SLC27A1: variants seen among roughly 807,000 people sequenced by gnomAD.
SLC27A1 encodes the protein long-chain fatty acid transport protein 1.
Under a neutral mutation model 62.2 loss-of-function variants are expected in SLC27A1, and 61 were observed. The observed-to-expected ratio is 0.98, with a 90% CI of 0.80 to 1.21. The LOEUF is 1.21. Ranked by LOEUF, SLC27A1 falls within the 50% of genes most tolerant of loss-of-function variation. SLC27A1 has a pLI of 0.00. For missense variants in SLC27A1, 903 were observed against 932.1 expected (o/e 0.97, Z 0.41); for synonymous variants, 435 against 408.6 (o/e 1.06, Z -0.78).
chr19:17,500,900 G>C, intron 10 of SLC27A1, 24 bp downstream of exon 10: 1 of 1,589,814 alleles, frequency 6.3e-7, no homozygotes, highest in South Asian at 1.1e-5. Context: ...GCAGGGGGTG[G>C]TCCTGAGGCA....
At chr19:17,489,257 C>G in intron 6 of SLC27A1, 140 bp downstream of exon 6, 1 of 681,126 alleles carries the variant, frequency 1.5e-6, no homozygotes, top group East Asian at 2.7e-5. Context: ...GTCCCGTCCT[C>G]TCCCAGCCAG....
In SLC27A1 at chr19:17,505,136, C is replaced by T. The variant is rs1472697280; in HGVS notation, c.*524C>T. Reference sequence around the variant, plus strand: ...CTTGAACTCCTGACCTCAGGTGATCCGCTGGCCTCGGCCTCCCAGAGTGCT... The same window carrying T: ...CTTGAACTCCTGACCTCAGGTGATCTGCTGGCCTCGGCCTCCCAGAGTGCT... On this transcript the variant is annotated 3_prime_UTR_variant, in exon 12 of 12. Transcript: ENST00000252595. 4.1e-5 allele frequency: 14 copies of T among 339,358 alleles called. No individual in the cohort carries two copies. The highest frequency in any genetic ancestry group is 9.3e-5 in the South Asian group (4 of 42,996). The allele number at this position is 339,358 out of a possible 1,614,324, so 21.0% of individuals were successfully genotyped here.
At chr19:17,477,400 C>T (rs889468273) in intron 1 of SLC27A1, among the ~76,000 whole-genome samples, 3 of 150,564 alleles carry the variant, frequency 2.0e-5, no homozygotes, top group African/African-American at 4.9e-5. Context: ...CACCACCATG[C>T]CTGGCTACTT....
At chr19:17,470,506 C>T (rs768054117), upstream of SLC27A1, 17 of 1,501,478 alleles carry the variant, frequency 1.1e-5, no homozygotes, top group Non-Finnish European at 1.4e-5. Context: ...GGGGCTGGAG[C>T]GGCCCGCGGC....
chr19:17,498,215 A>G (rs2075370494), intron 7 of SLC27A1: 1 of 152,186 alleles, frequency 6.6e-6, no homozygotes, highest in Non-Finnish European at 1.5e-5. Flanking sequence ...ACAGAAAATA[A>G]AAAATTAGCC....
Position 17,486,540 on chromosome 19 carries a change from G to A in SLC27A1, c.168-23G>A. On this transcript the variant is annotated intron_variant, in intron 1 of 11. Transcript: ENST00000252595. This position sits in a 1 kb window ranked among gnomAD's most constrained non-coding sequence, Gnocchi z 6.6. ...GGCGGGGCAGGGCACCAGTGACGCT[G>A]TCCCCTCCGTCCTCCCTCCCAGCGG... is the stretch of plus-strand genomic sequence containing the variant. 1 of 1,551,996 alleles carries A rather than the reference G, an allele frequency of 6.4e-7. No individual in the cohort carries two copies. The highest frequency in any genetic ancestry group is 8.7e-7 in the Non-Finnish European group (1 of 1,155,308).
chr19:17,497,634 A>C (rs1475844324), intron 7 of SLC27A1, 170 bp downstream of exon 7: 1 of 669,750 alleles, frequency 1.5e-6, no homozygotes, highest in Admixed American at 2.5e-5. Context: ...CCGGTGCACC[A>C]CCAGAGGGAC....
rs1230066593 is a variant in SLC27A1 at position 17,492,533 on chromosome 19, G to C, written c.996+3416G>C. ...TGGGAGGCTGAGGCGGGAGAATCCT[G>C]TGAACCCAGGAGGTGGAGGTTGCAG... On this transcript the variant is annotated intron_variant, in intron 6 of 11. Coordinates refer to ENST00000252595, the MANE Select transcript of SLC27A1 (RefSeq NM_198580.3). 6 of 148,544 alleles carry C rather than the reference G, an allele frequency of 4.0e-5. No homozygotes were observed. In the East Asian group the frequency reaches 1.2e-3, roughly 29 times the overall value. 9.2% of individuals were successfully genotyped at this position (148,544 alleles called of 1,614,324 possible).
chr19:17,502,024 A>G (rs12974163), intron 11 of SLC27A1, among the ~76,000 whole-genome samples: 151,263 of 151,664 alleles, frequency 1, 75,434 homozygotes, highest in Middle Eastern at 1. Context: ...GCTGAGGCAG[A>G]AGAATTGCTT....
At chr19:17,501,905 A>C (rs1410253549) in intron 11 of SLC27A1, among the ~76,000 whole-genome samples, 1 of 151,242 alleles carries the variant, frequency 6.6e-6, no homozygotes, top group African/African-American at 2.4e-5. Context: ...TGAGGTCAGG[A>C]GTTCGAGACC....
At chr19:17,478,539 G>C (rs991828367) in intron 1 of SLC27A1, among the ~76,000 whole-genome samples, 1 of 150,332 alleles carries the variant, frequency 6.7e-6, no homozygotes, top group Non-Finnish European at 1.5e-5. Context: ...AAGGGTGCTT[G>C]TTTACAATGT....
chr19:17,482,563 A>G (rs917696228), intron 1 of SLC27A1, among the ~76,000 whole-genome samples: 30 of 150,282 alleles, frequency 2.0e-4, no homozygotes, highest in African/African-American at 7.3e-4. Context: ...AGGCAGGAGA[A>G]TTGCTGGAAC....
At chr19:17,489,182 C>T in intron 6 of SLC27A1, 65 bp downstream of exon 6, 1 of 1,348,298 alleles carries the variant, frequency 7.4e-7, no homozygotes, top group Non-Finnish European at 1.0e-6. Context: ...CCCTCCCAAT[C>T]AGGCCCCACC....
chr19:17,487,990 CAGG>C (rs1272789031), intron 4 of SLC27A1, among the ~76,000 whole-genome samples: 1 of 152,106 alleles, frequency 6.6e-6, no homozygotes, highest in African/African-American at 2.4e-5. Context: ...TCAGCAGCTA[CAGG>C]AGGTTTGAAA....
chr19:17,490,423 G>T (rs1050353484), intron 6 of SLC27A1, among the ~76,000 whole-genome samples: 1 of 151,836 alleles, frequency 6.6e-6, no homozygotes, highest in Admixed American at 6.6e-5. Flanking sequence ...CAAAGTGCTG[G>T]GATTACAGGC....
intron 1 of SLC27A1, among the ~76,000 whole-genome samples, chr19:17,482,216 C>T (rs1044554818): frequency 1.3e-5 from 2 of 152,092 alleles, no homozygotes; most frequent in South Asian, 4.1e-4. Context: ...TTGCACGTGG[C>T]GTTTAAAGAC....
At chr19:17,479,077 A>G (rs2075151398) in intron 1 of SLC27A1, among the ~76,000 whole-genome samples, 1 of 152,102 alleles carries the variant, frequency 6.6e-6, no homozygotes, top group Non-Finnish European at 1.5e-5. Context: ...AGACTAGGCA[A>G]CAGAGTGAGA....
chr19:17,500,615 A>G lies in SLC27A1; in HGVS notation c.1454A>G (p.Asp485Gly). The change falls in exon 9 of 12, where the codon GAC becomes GGC. Residue 485 changes from aspartate to glycine, a missense_variant. Transcript: ENST00000252595. ...KIAHSVFSKGDSAYLSGDVLV... is the reference protein window; with the variant it reads ...KIAHSVFSKGGSAYLSGDVLV... ...GCCCACAGCGTCTTCAGCAAGGGCG[A>G]CAGCGCCTACCTCTCAGGTGCGCAG... is the stretch of plus-strand genomic sequence containing the variant. The G allele has an allele frequency of 1.2e-6, 2 of 1,613,812 alleles. No homozygotes were observed. Among genetic ancestry groups the G allele is most frequent in the Non-Finnish European group, 1.7e-6 (2 of 1,179,986 alleles).
At chr19:17,500,241 T>A (rs765393861) in intron 7 of SLC27A1, 37 bp from the exon 8 acceptor site, 1 of 1,603,780 alleles carries the variant, frequency 6.2e-7, no homozygotes, top group South Asian at 1.1e-5. Flanking sequence ...ACCCCGCATA[T>A]CCCCGGCTCC....
Sources: allele counts gnomAD v4.1 joint callset (sites outside exome capture counted in the v4.1 genomes callset), GRCh38; gene constraint gnomAD v4.1.1; non-coding constraint Gnocchi (gnomAD v3.1); transcripts MANE v1.5; gene names NCBI Gene and HGNC (gene_info 2026-07-23, HGNC 2026-07-21).